The following KALRN variants were observed in gnomAD, a reference collection of about 807,000 sequenced individuals.
KALRN encodes the protein kalirin RhoGEF kinase.
KALRN carries 70 observed loss-of-function variants against 353.7 expected under a neutral mutation model. The ratio of observed to expected loss-of-function variants is 0.20; its 90% confidence interval spans 0.16 to 0.24. The LOEUF (loss-of-function observed/expected upper bound fraction) is 0.24, where lower values mean the gene tolerates loss of function less well. Ranked by LOEUF, KALRN falls within the 10% of genes least tolerant of loss-of-function variation. KALRN has a pLI of 1.00. For missense variants in KALRN, 2,791 were observed against 3,756.7 expected, an observed-to-expected ratio of 0.74 and a Z score of 6.72; for synonymous variants, 1,391 against 1,434.8, an observed-to-expected ratio of 0.97 and a Z score of 0.69.
intron 12 of KALRN, among the ~76,000 whole-genome samples, chr3:124,396,166 T>TG: frequency 6.6e-6 from 1 of 152,158 alleles, no homozygotes; most frequent in Non-Finnish European, 1.5e-5. Context: ...CACTGAGTGC[T>TG]GGGACCTCTG....
intron 33 of KALRN, among the ~76,000 whole-genome samples, chr3:124,541,319 A>T (rs2069002346): frequency 6.6e-6 from 1 of 151,832 alleles, no homozygotes; most frequent in African/African-American, 2.4e-5. Flanking sequence ...GCATGATGGC[A>T]CATGCCTGTA....
intron 37 of KALRN, among the ~76,000 whole-genome samples, chr3:124,640,286 CTTTTT>C (rs71777187): frequency 1.6e-5 from 2 of 127,458 alleles, no homozygotes; most frequent in Admixed American, 8.3e-5. Flanking sequence ...TTCTTTCTTT[CTTTTT>C]TTTTTTTTTT....
At chr3:124,395,091 C>T (rs774857348) in intron 11 of KALRN, 44 bp from the exon 12 acceptor site, 13 of 1,539,630 alleles carry the variant, frequency 8.4e-6, no homozygotes, top group Non-Finnish European at 1.2e-5. Flanking sequence ...CAGCCCTGGC[C>T]TCTCCCATCT....
intron 34 of KALRN, among the ~76,000 whole-genome samples, chr3:124,574,588 C>T (rs552949744): frequency 6.6e-6 from 1 of 152,292 alleles, no homozygotes; most frequent in East Asian, 1.9e-4. Flanking sequence ...GAAAGGCTGC[C>T]ACTGACTGCT....
chr3:124,555,063 C>A (rs932256795), intron 33 of KALRN, among the ~76,000 whole-genome samples: 1 of 152,016 alleles, frequency 6.6e-6, no homozygotes, highest in Non-Finnish European at 1.5e-5. Context: ...ATCTAGGAGT[C>A]CCATCTTCCT....
rs541229255 is a variant in KALRN, at chr3:124,349,942, C to T, written c.1770+2677C>T. On this transcript the variant is annotated intron_variant, in intron 10 of 59. Transcript: ENST00000682506. ...ACTGCTGAGAGTGGAGGTTGTAGTACGTGGGGTGGTCTGTTGGAATAGGGC... is the reference window on the plus strand; with the variant it reads ...ACTGCTGAGAGTGGAGGTTGTAGTATGTGGGGTGGTCTGTTGGAATAGGGC... Among the ~76,000 whole-genome samples, 5 of 152,234 alleles carry T rather than the reference C, an allele frequency of 3.3e-5. No individual in the cohort carries two copies. The South Asian group carries it at 6.2e-4, about 19-fold the overall frequency.
At chr3:124,633,994 CG>C in intron 36 of KALRN, 41 bp downstream of exon 36, 1 of 1,521,844 alleles carries the variant, frequency 6.6e-7, no homozygotes, top group Non-Finnish European at 9.1e-7. Flanking sequence ...AGCAACGTGC[CG>C]TGCGTGATTT....
At chr3:124,495,961 G>GTGTA (rs2063694247) in intron 32 of KALRN, among the ~76,000 whole-genome samples, 2 of 37,894 alleles carry the variant, frequency 5.3e-5, no homozygotes, top group Non-Finnish European at 1.0e-4. Context: ...GTATGTGTAT[G>GTGTA]TATGTATATA....
At chr3:124,197,837 C>T (rs1004377236) in intron 1 of KALRN, among the ~76,000 whole-genome samples, 3 of 152,238 alleles carry the variant, frequency 2.0e-5, no homozygotes, top group South Asian at 2.1e-4. Flanking sequence ...TAATTGTCCT[C>T]GTCATATCTC....
At chr3:124,519,433 G>T (rs1396229030) in intron 33 of KALRN, 14 of 985,252 alleles carry the variant, frequency 1.4e-5, no homozygotes, top group Middle Eastern at 1.0e-3. Flanking sequence ...CAGAGATGAT[G>T]ATTCCATTTC....
intron 1 of KALRN, among the ~76,000 whole-genome samples, chr3:124,120,509 A>G (rs181928547): frequency 6.6e-6 from 1 of 152,018 alleles, no homozygotes; most frequent in African/African-American, 2.4e-5. Flanking sequence ...TAGACTTCCC[A>G]TTTTCTAAAT....
At chr3:124,617,113 C>G (rs2078697264) in intron 34 of KALRN, among the ~76,000 whole-genome samples, 1 of 152,102 alleles carries the variant, frequency 6.6e-6, no homozygotes, top group Non-Finnish European at 1.5e-5. Context: ...AGGTGGATCA[C>G]TTGAGATCAG....
chr3:124,708,150 A>C (rs1201527844), intron 57 of KALRN, among the ~76,000 whole-genome samples: 3 of 152,250 alleles, frequency 2.0e-5, no homozygotes, highest in Non-Finnish European at 4.4e-5. Context: ...CATACAAATA[A>C]ACCAAAAATC....
chr3:124,049,273 C>A (rs2040813953), intron 1 of KALRN, among the ~76,000 whole-genome samples: 1 of 152,146 alleles, frequency 6.6e-6, no homozygotes, highest in South Asian at 2.1e-4. Context: ...AAAGCCATAG[C>A]CTGCTGTTGG....
intron 10 of KALRN, 55 bp downstream of exon 10, chr3:124,347,320 GTCTAGA>G (rs2082367892): frequency 6.6e-7 from 1 of 1,515,278 alleles, no homozygotes; most frequent in African/African-American, 1.6e-5. Context: ...GTGTGTGTGT[GTCTAGA>G]TGAGGGAGGC....
chr3:124,496,012 TACAC>T (rs71922638), intron 32 of KALRN, among the ~76,000 whole-genome samples: 1,538 of 43,586 alleles, frequency 0.035, 258 homozygotes, highest in Middle Eastern at 0.044. Context: ...TATATATATA[TACAC>T]ACACATATAT....
Position 124,127,766 on chromosome 3 carries a change from G to C in KALRN, c.73+93953G>C, listed in dbSNP as rs576385297. Among the ~76,000 whole-genome samples the C allele has an allele frequency of 3.3e-5, 5 of 152,176 alleles. No individual in the cohort carries two copies. The East Asian group carries it at 9.7e-4, about 29-fold the overall frequency. ...TGAAATCTGACTTTGTCTAATTTAG[G>C]CTTGTTGACCTTAGTTCAACCCTCT... On this transcript the variant is annotated intron_variant, in intron 1 of 59. Coordinates refer to ENST00000682506, the MANE Select transcript of KALRN (RefSeq NM_001388419.1).
At chr3:124,544,806 T>C (rs1333265236) in intron 33 of KALRN, among the ~76,000 whole-genome samples, 3 of 152,160 alleles carry the variant, frequency 2.0e-5, no homozygotes, top group Admixed American at 6.5e-5. Context: ...TTGTAAGTAT[T>C]GTTCAATGAA....
intron 34 of KALRN, among the ~76,000 whole-genome samples, chr3:124,608,137 C>T (rs1336309105): frequency 1.3e-5 from 2 of 151,366 alleles, no homozygotes; most frequent in South Asian, 2.1e-4. Flanking sequence ...CCTCCTGAGT[C>T]GCTGGGACCA....
Sources: gnomAD v4.1 joint callset for allele counts (sites outside exome capture counted in the v4.1 genomes callset) on GRCh38, gnomAD v4.1.1 for gene constraint, MANE v1.5 for transcripts, NCBI Gene and HGNC (gene_info 2026-07-23, HGNC 2026-07-21) for gene names.